Variants in ZC3H11C observed in about 807,000 individuals in gnomAD.
ZC3H11C encodes the protein zinc finger CCCH-type containing 11C.
the ZC3H11C span, chr6:65,302,395 AT>A: frequency 1.5e-6 from 1 of 664,786 alleles, no homozygotes; most frequent in East Asian, 2.7e-5. Context: ...TTTAAAGACA[AT>A]TTCTGTGATC....
At chr6:65,301,888 G>A in the ZC3H11C span, among the ~76,000 whole-genome samples, 13 of 152,254 alleles carry the variant, frequency 8.5e-5, no homozygotes, top group African/African-American at 9.6e-5. Context: ...ACTAGAGATA[G>A]TGATGCTTTT....
At chr6:65,301,637 C>T in the ZC3H11C span, among the ~76,000 whole-genome samples, 10 of 152,374 alleles carry the variant, frequency 6.6e-5, no homozygotes, top group African/African-American at 2.4e-4. Flanking sequence ...CAGAAAGCCA[C>T]CGACCTTATT....
the ZC3H11C span, among the ~76,000 whole-genome samples, chr6:65,301,638 C>T: frequency 5.3e-5 from 8 of 152,372 alleles, no homozygotes; most frequent in South Asian, 1.0e-3. Flanking sequence ...AGAAAGCCAC[C>T]GACCTTATTC....
the ZC3H11C span, among the ~76,000 whole-genome samples, chr6:65,306,496 C>G: frequency 8.6e-3 from 1,311 of 152,236 alleles, 17 homozygotes; most frequent in African/African-American, 0.03. Flanking sequence ...CTTTTGGAAT[C>G]AGCTTACAGA....
At chr6:65,303,065 C>CT in the ZC3H11C span, 1 of 933,710 alleles carries the variant, frequency 1.1e-6, no homozygotes, top group African/African-American at 1.7e-5. Context: ...AACACCTACC[C>CT]TGCAACCAAC....
chr6:65,302,936 A>G, the ZC3H11C span: 1 of 1,613,336 alleles, frequency 6.2e-7, no homozygotes. Context: ...GCGGAGCGTT[A>G]TGAAAGTAGA....
At chr6:65,305,376 G>A in the ZC3H11C span, among the ~76,000 whole-genome samples, 2 of 152,188 alleles carry the variant, frequency 1.3e-5, no homozygotes, top group Non-Finnish European at 2.9e-5. Flanking sequence ...GAAGACAGCT[G>A]CTACCATTAA....
the ZC3H11C span, chr6:65,303,300 T>TG: frequency 1.3e-6 from 1 of 795,016 alleles, no homozygotes; most frequent in Non-Finnish European, 2.2e-6. Context: ...GTCAGGACTG[T>TG]GGTGAGGACA....
At chr6:65,305,810 A>T in the ZC3H11C span, among the ~76,000 whole-genome samples, 20 of 152,256 alleles carry the variant, frequency 1.3e-4, no homozygotes, top group Non-Finnish European at 1.9e-4. Flanking sequence ...TTTTATTTCT[A>T]ATTCTCCCAA....
chr6:65,305,723 A>C, the ZC3H11C span, among the ~76,000 whole-genome samples: 1 of 152,270 alleles, frequency 6.6e-6, no homozygotes, highest in Non-Finnish European at 1.5e-5. Flanking sequence ...TTTTAGTATG[A>C]AAATTGTCCC....
At chr6:65,306,275 T>C in the ZC3H11C span, among the ~76,000 whole-genome samples, 1 of 152,174 alleles carries the variant, frequency 6.6e-6, no homozygotes. Flanking sequence ...CGTAGCCTTG[T>C]TGGGAATATG....
At chr6:65,305,243 GAAAGGGTGCAAGCAA>G in the ZC3H11C span, among the ~76,000 whole-genome samples, 1 of 152,206 alleles carries the variant, frequency 6.6e-6, no homozygotes, top group Non-Finnish European at 1.5e-5. Context: ...GAGATCAAGT[GAAAGGGTGCAAGCAA>G]ACTTAGTGAC....
At chr6:65,306,123 A>G in the ZC3H11C span, among the ~76,000 whole-genome samples, 1 of 152,298 alleles carries the variant, frequency 6.6e-6, no homozygotes, top group East Asian at 1.9e-4. Flanking sequence ...AATCAGGAGG[A>G]AGAGGAAGGA....
chr6:65,305,429 G>C, the ZC3H11C span, among the ~76,000 whole-genome samples: 1 of 152,192 alleles, frequency 6.6e-6, no homozygotes, highest in Non-Finnish European at 1.5e-5. Flanking sequence ...TACCCACTCA[G>C]TCTGTGTTAG....
the ZC3H11C span, among the ~76,000 whole-genome samples, chr6:65,302,037 A>G: frequency 1.3e-5 from 2 of 152,260 alleles, no homozygotes; most frequent in Non-Finnish European, 2.9e-5. Flanking sequence ...TTGTTCAGCT[A>G]TGGAAGATGG....
the ZC3H11C span, among the ~76,000 whole-genome samples, chr6:65,302,129 A>T: frequency 6.6e-6 from 1 of 152,220 alleles, no homozygotes; most frequent in Non-Finnish European, 1.5e-5. Flanking sequence ...GAGATAACTA[A>T]CCCTAGCTGT....
chr6:65,302,156 G>T, the ZC3H11C span, among the ~76,000 whole-genome samples: 3 of 152,174 alleles, frequency 2.0e-5, no homozygotes, highest in Non-Finnish European at 4.4e-5. Flanking sequence ...TCTGACAAAG[G>T]TTATTTGAAT....
At chr6:65,302,048 AT>A in the ZC3H11C span, among the ~76,000 whole-genome samples, 79 of 152,144 alleles carry the variant, frequency 5.2e-4, no homozygotes, top group Non-Finnish European at 9.7e-4. Flanking sequence ...TGGAAGATGG[AT>A]TTTTTTTCAT....
At chr6:65,306,308 C>T in the ZC3H11C span, among the ~76,000 whole-genome samples, 1 of 152,168 alleles carries the variant, frequency 6.6e-6, no homozygotes, top group African/African-American at 2.4e-5. Flanking sequence ...AGCCACAGGA[C>T]TGCCCATTCA....
Sources: allele counts gnomAD v4.1 joint callset (sites outside exome capture counted in the v4.1 genomes callset), GRCh38; gene constraint gnomAD v4.1.1; transcripts MANE v1.5; gene names NCBI Gene and HGNC (gene_info 2026-07-23, HGNC 2026-07-21).